TNFRSF8: variants seen among roughly 807,000 people sequenced by gnomAD.
TNFRSF8 encodes the protein TNF receptor superfamily member 8.
A neutral mutation model predicts 70.8 loss-of-function variants in TNFRSF8; 26 were observed. The ratio of observed to expected loss-of-function variants is 0.37; its 90% CI spans 0.27 to 0.51. TNFRSF8 has a LOEUF of 0.51. Ranked by LOEUF, TNFRSF8 falls within the 20% of genes least tolerant of loss-of-function variation. The pLI is 0.94. For synonymous variants in TNFRSF8, 356 were observed against 339.2 expected (o/e 1.05, Z -0.54); for missense variants, 720 against 807.9 (o/e 0.89, Z 1.32).
chr1:12,109,503 T>C lies in TNFRSF8; in HGVS notation c.422-63T>C, dbSNP rs947794778. 117 of 1,366,822 alleles carry C rather than the reference T, an allele frequency of 8.6e-5. No homozygotes were observed. The highest frequency in any genetic ancestry group is 1.2e-4 in the Non-Finnish European group (114 of 967,102). 84.7% of individuals were successfully genotyped at this position (1,366,822 alleles called of 1,614,324 possible). On this transcript the variant is annotated intron_variant, in intron 4 of 14. Coordinates refer to ENST00000263932, the MANE Select transcript of TNFRSF8 (RefSeq NM_001243.5). The surrounding 1 kb of genome is among the most constrained non-coding windows in gnomAD (Gnocchi z 4.4). ...GACTCTGGCCTGTGGTAGTGAAGGG[T>C]GTATTCCGGGAGACTTTGGGTCCCC...
chr1:12,131,801 A>G (rs528926346), intron 12 of TNFRSF8, among the ~76,000 whole-genome samples: 4 of 144,734 alleles, frequency 2.8e-5, no homozygotes, highest in African/African-American at 1.0e-4. Flanking sequence ...GCTAGTCCTC[A>G]TTTTTTTTTT....
intron 7 of TNFRSF8, among the ~76,000 whole-genome samples, chr1:12,115,211 A>G (rs759429980): frequency 3.3e-5 from 5 of 152,178 alleles, no homozygotes; most frequent in South Asian, 2.1e-4. Context: ...GGTAAAGTGC[A>G]TAGATTAAAG....
intron 2 of TNFRSF8, 68 bp from the exon 3 acceptor site, chr1:12,097,033 T>TG: frequency 1.7e-6 from 2 of 1,198,300 alleles, no homozygotes; most frequent in Middle Eastern, 2.7e-4. Flanking sequence ...ATGAGAGGTG[T>TG]GGGGCATTGG....
intron 3 of TNFRSF8, 65 bp downstream of exon 3, chr1:12,097,282 G>C: frequency 8.2e-7 from 1 of 1,225,870 alleles, no homozygotes; most frequent in Non-Finnish European, 1.2e-6. Context: ...CAGAGGAGAG[G>C]TGAAGAATCT....
intron 1 of TNFRSF8, among the ~76,000 whole-genome samples, chr1:12,072,815 A>G (rs1034089685): frequency 1.3e-5 from 2 of 152,176 alleles, no homozygotes; most frequent in Non-Finnish European, 2.9e-5. Flanking sequence ...GAGACCAGGA[A>G]ACTCCTAAAC....
intron 2 of TNFRSF8, among the ~76,000 whole-genome samples, chr1:12,087,125 C>G (rs1364228714): frequency 2.3e-5 from 3 of 129,624 alleles, no homozygotes. Flanking sequence ...ATCCATCCAT[C>G]CATCATCCAT....
chr1:12,123,942 G>C, intron 10 of TNFRSF8, 115 bp downstream of exon 10: 1 of 874,322 alleles, frequency 1.1e-6, no homozygotes, highest in South Asian at 1.8e-5. Context: ...TGAGAAGGGG[G>C]ATTAAGGTTG....
chr1:12,111,057 G>T (rs769879381), intron 6 of TNFRSF8, among the ~76,000 whole-genome samples: 7 of 152,116 alleles, frequency 4.6e-5, no homozygotes, highest in Non-Finnish European at 1.0e-4. Flanking sequence ...TCTTGGGTTG[G>T]TTTTGTAAAA....
Position 12,109,301 on chromosome 1 carries a change from T to C in TNFRSF8, c.422-265T>C, listed in dbSNP as rs1384626636. On this transcript the variant is annotated intron_variant, in intron 4 of 14. Coordinates refer to ENST00000263932, the MANE Select transcript of TNFRSF8 (RefSeq NM_001243.5). This position sits in a 1 kb window ranked among gnomAD's most constrained non-coding sequence, Gnocchi z 4.4. Reference sequence around the variant, plus strand: ...CAACGGATTGATTGGTCCAGCCTGGTCTCATGGCCACTCGGGAAAGGGGGT... The same window carrying C: ...CAACGGATTGATTGGTCCAGCCTGGCCTCATGGCCACTCGGGAAAGGGGGT... Among the ~76,000 whole-genome samples, 1 of 152,204 alleles carries C rather than the reference T, an allele frequency of 6.6e-6. No individual in the cohort carries two copies. Among genetic ancestry groups the C allele is most frequent in the African/African-American group, 2.4e-5 (1 of 41,448 alleles).
intron 7 of TNFRSF8, among the ~76,000 whole-genome samples, chr1:12,114,989 G>T (rs1641702702): frequency 6.6e-6 from 1 of 152,012 alleles, no homozygotes; most frequent in Non-Finnish European, 1.5e-5. Flanking sequence ...TTACAGTCGT[G>T]AGCCACCGTG....
chr1:12,114,088 G>C (rs915973756), intron 7 of TNFRSF8, among the ~76,000 whole-genome samples: 11 of 152,280 alleles, frequency 7.2e-5, no homozygotes, highest in African/African-American at 2.6e-4. Context: ...AGGCAGTGGA[G>C]TGGTGTATTA....
intron 1 of TNFRSF8, among the ~76,000 whole-genome samples, chr1:12,081,658 A>AG (rs112852724): frequency 6.1e-4 from 41 of 67,156 alleles, no homozygotes; most frequent in Admixed American, 2.6e-3. Flanking sequence ...TCAGACATGC[A>AG]AAAAAAAAAA....
At chr1:12,098,859 C>T (rs1329092074) in intron 3 of TNFRSF8, among the ~76,000 whole-genome samples, 1 of 152,196 alleles carries the variant, frequency 6.6e-6, no homozygotes, top group Non-Finnish European at 1.5e-5. Context: ...TTCCCACCTC[C>T]TCATCCTCTT....
chr1:12,083,562 C>T (rs980154894), intron 1 of TNFRSF8, among the ~76,000 whole-genome samples: 1 of 152,166 alleles, frequency 6.6e-6, no homozygotes, highest in Non-Finnish European at 1.5e-5. Flanking sequence ...TGGCACACAC[C>T]TGTAGTCTCA....
intron 2 of TNFRSF8, among the ~76,000 whole-genome samples, chr1:12,096,727 A>G (rs1251807390): frequency 6.6e-6 from 1 of 152,208 alleles, no homozygotes; most frequent in Non-Finnish European, 1.5e-5. Context: ...TTTCAAGAAC[A>G]CTAGGAGGTG....
At chr1:12,079,934 AT>A (rs1557577056) in intron 1 of TNFRSF8, among the ~76,000 whole-genome samples, 1 of 141,042 alleles carries the variant, frequency 7.1e-6, no homozygotes, top group Admixed American at 7.3e-5. Context: ...TCACTACTTT[AT>A]TTTTTAATTC....
intron 2 of TNFRSF8, among the ~76,000 whole-genome samples, chr1:12,087,074 T>TATCCATCC (rs57832338): frequency 8.3e-4 from 96 of 115,374 alleles, no homozygotes; most frequent in Admixed American, 2.9e-3. Context: ...TCTACCTTTC[T>TATCCATCC]ATCCATCCAT....
In TNFRSF8 at chr1:12,089,322, T is replaced by C. The variant is rs1641206963; in HGVS notation, c.151+4771T>C. Among the ~76,000 whole-genome samples, 8 of 152,126 alleles carry C rather than the reference T, an allele frequency of 5.3e-5. No homozygotes were observed. The South Asian group carries it at 1.7e-3, about 32-fold the overall frequency. ...GAGTCTCAATTTTTGAAAGAATAGG[T>C]GAATGAATGAATATGGCTAACTTGC... On this transcript the variant is annotated intron_variant, in intron 2 of 14. Coordinates refer to ENST00000263932, the MANE Select transcript of TNFRSF8 (RefSeq NM_001243.5).
chr1:12,104,185 T>A lies in TNFRSF8; in HGVS notation c.269-194T>A, dbSNP rs527540837. On this transcript the variant is annotated intron_variant, in intron 3 of 14. Coordinates refer to ENST00000263932, the MANE Select transcript of TNFRSF8 (RefSeq NM_001243.5). Reference sequence around the variant, plus strand: ...TCTAAGTTTCCTCCATGTCTTTTTTTTATTTTTTTGCATTTTAAAAAATTG... The same window carrying A: ...TCTAAGTTTCCTCCATGTCTTTTTTATATTTTTTTGCATTTTAAAAAATTG... 3.9e-5 allele frequency among the ~76,000 whole-genome samples: 6 copies of A among 152,350 alleles called. No individual in the cohort carries two copies. In the South Asian group the frequency reaches 1.2e-3, roughly 32 times the overall value.
Sources: allele counts gnomAD v4.1 joint callset (sites outside exome capture counted in the v4.1 genomes callset), GRCh38; gene constraint gnomAD v4.1.1; non-coding constraint Gnocchi (gnomAD v3.1); transcripts MANE v1.5; gene names NCBI Gene and HGNC (gene_info 2026-07-23, HGNC 2026-07-21).